Variants in ZNF521 observed in about 807,000 individuals in gnomAD.
ZNF521 encodes zinc finger protein 521.
ZNF521 carries 14 observed loss-of-function variants against 105.5 expected under a neutral mutation model. That is an observed-to-expected ratio of 0.13 (90% CI 0.09 to 0.21). The LOEUF (loss-of-function observed/expected upper bound fraction) is 0.21, where lower values mean the gene tolerates loss of function less well. ZNF521 is among the 10% of genes least tolerant of loss of function. The pLI is 1.00. For synonymous variants in ZNF521, 635 were observed against 606.0 expected (o/e 1.05, Z -0.70); for missense variants, 1,233 against 1,629.7 (o/e 0.76, Z 4.19).
chr18:25,179,348 C>T (rs1003820641), intron 5 of ZNF521, among the ~76,000 whole-genome samples: 1 of 151,564 alleles, frequency 6.6e-6, no homozygotes, highest in African/African-American at 2.4e-5. Context: ...TGGGGTTTCG[C>T]TCTTATGCCT....
intron 2 of ZNF521, among the ~76,000 whole-genome samples, chr18:25,324,606 A>T (rs1312355146): frequency 6.6e-6 from 1 of 152,146 alleles, no homozygotes; most frequent in Admixed American, 6.5e-5. Context: ...CTAGTTTCTC[A>T]AAAAAACTGA....
intron 3 of ZNF521, among the ~76,000 whole-genome samples, chr18:25,251,091 A>G (rs771814616): frequency 6.6e-6 from 1 of 152,188 alleles, no homozygotes; most frequent in Non-Finnish European, 1.5e-5. Flanking sequence ...AAAAGGACCT[A>G]CCTGTTCTCA....
chr18:25,213,639 C>G (rs1419406420), intron 4 of ZNF521, among the ~76,000 whole-genome samples: 2 of 152,056 alleles, frequency 1.3e-5, no homozygotes, highest in Non-Finnish European at 2.9e-5. Context: ...ATATCAGGAT[C>G]ATATCAGATT....
intron 5 of ZNF521, among the ~76,000 whole-genome samples, chr18:25,157,551 G>A (rs1259755910): frequency 3.9e-5 from 6 of 152,016 alleles, no homozygotes; most frequent in Non-Finnish European, 8.8e-5. Context: ...AGTGTAGACC[G>A]TGCAAAACGT....
At chr18:25,114,250 A>C (rs1056450893) in intron 5 of ZNF521, among the ~76,000 whole-genome samples, 11 of 152,144 alleles carry the variant, frequency 7.2e-5, no homozygotes, top group African/African-American at 2.4e-4. Context: ...CACAGTGCAA[A>C]CCTTTCATGC....
Position 25,225,026 on chromosome 18 carries a change from G to A in ZNF521, c.2892C>T (p.Cys964=), listed in dbSNP as rs770368967. The change falls in exon 4 of 8, where the codon TGC becomes TGT. Residue 964 remains cysteine, a synonymous_variant. Coordinates refer to ENST00000361524, the MANE Select transcript of ZNF521 (RefSeq NM_015461.3). This position sits in a 1 kb window ranked among gnomAD's most constrained non-coding sequence, Gnocchi z 5.6. ...GPVKHYMCPI[C]GERFPSLLTL... ...TTAAAAGGGAGGGAAACCGCTCTCC[G>A]CAAATAGGGCACATGTAGTGTTTGA... 49 of 1,614,152 alleles carry A rather than the reference G, an allele frequency of 3.0e-5. No homozygotes were observed. The highest frequency in any genetic ancestry group is 1.6e-4 in the Middle Eastern group (1 of 6,062).
intron 5 of ZNF521, among the ~76,000 whole-genome samples, chr18:25,152,089 G>C (rs1468480065): frequency 1.3e-5 from 2 of 152,154 alleles, no homozygotes; most frequent in Non-Finnish European, 2.9e-5. Context: ...CCTCACTGTG[G>C]AATCTTTCTA....
In ZNF521 at chr18:25,333,100, A is replaced by G. The variant is rs1027673119; in HGVS notation, c.41-10913T>C. On this transcript the variant is annotated intron_variant, in intron 2 of 7. Coordinates refer to ENST00000361524, the MANE Select transcript of ZNF521 (RefSeq NM_015461.3). Reference sequence around the variant, plus strand: ...TGTATATATACATATATACTAGAGTAGTATATATTTTATCGTATAATGCTA... The same window carrying G: ...TGTATATATACATATATACTAGAGTGGTATATATTTTATCGTATAATGCTA... 1.3e-5 allele frequency among the ~76,000 whole-genome samples: 2 copies of G among 151,726 alleles called. 1 individual carries two copies. Among genetic ancestry groups the G allele is most frequent in the Non-Finnish European group, 2.9e-5 (2 of 67,938 alleles).
intron 5 of ZNF521, among the ~76,000 whole-genome samples, chr18:25,111,237 T>C (rs1398025792): frequency 6.6e-6 from 1 of 152,144 alleles, no homozygotes; most frequent in Non-Finnish European, 1.5e-5. Context: ...ATTTTACATT[T>C]TAAGAATGAG....
intron 7 of ZNF521, among the ~76,000 whole-genome samples, chr18:25,078,234 A>G (rs996625592): frequency 1.3e-5 from 2 of 152,220 alleles, no homozygotes; most frequent in Non-Finnish European, 2.9e-5. Flanking sequence ...GAACGAAATG[A>G]GCAGCCTCTT....
chr18:25,098,916 A>G (rs369716604), intron 5 of ZNF521, among the ~76,000 whole-genome samples: 1 of 152,198 alleles, frequency 6.6e-6, no homozygotes, highest in African/African-American at 2.4e-5. Context: ...TCCATTTCAC[A>G]TAACAGACTA....
At position 25,321,565 on chromosome 18, in the gene ZNF521, T is replaced by C. The variant is rs534813395; in HGVS notation, c.220+443A>G. 7.9e-5 allele frequency among the ~76,000 whole-genome samples: 12 copies of C among 152,274 alleles called. No homozygotes were observed. In the East Asian group the frequency reaches 1.4e-3, roughly 17 times the overall value. On this transcript the variant is annotated intron_variant, in intron 3 of 7. Transcript: ENST00000361524. ...GAACTGTGGTGCTCAAGGATAAGTA[T>C]TGAACTTTATGGGAACACAAAAAAA...
chr18:25,161,046 G>A (rs2035241561), intron 5 of ZNF521, among the ~76,000 whole-genome samples: 1 of 152,022 alleles, frequency 6.6e-6, no homozygotes, highest in Admixed American at 6.6e-5. Flanking sequence ...ATACAGATGT[G>A]GCATGAGACC....
intron 3 of ZNF521, among the ~76,000 whole-genome samples, chr18:25,301,503 A>G (rs1911639214): frequency 6.6e-6 from 1 of 152,186 alleles, no homozygotes; most frequent in Non-Finnish European, 1.5e-5. Context: ...AACACTCCCT[A>G]CACAGAGTTG....
intron 4 of ZNF521, among the ~76,000 whole-genome samples, chr18:25,213,861 T>C (rs889346533): frequency 1.3e-5 from 2 of 152,160 alleles, no homozygotes; most frequent in African/African-American, 4.8e-5. Context: ...CATATTATTC[T>C]AAGATGGTTT....
chr18:25,328,642 T>TC (rs923318936), intron 2 of ZNF521, among the ~76,000 whole-genome samples: 1 of 151,306 alleles, frequency 6.6e-6, no homozygotes, highest in Non-Finnish European at 1.5e-5. Context: ...AACCTCCGCC[T>TC]CCCGGGTTCA....
intron 4 of ZNF521, among the ~76,000 whole-genome samples, chr18:25,215,801 C>A (rs80309523): frequency 6.6e-6 from 1 of 152,024 alleles, no homozygotes; most frequent in African/African-American, 2.4e-5. Flanking sequence ...GGGTAGAAAG[C>A]GTGGATGCAA....
chr18:25,062,785 A>AAAT, intron 7 of ZNF521, 44 bp from the exon 8 acceptor site: 1 of 1,376,952 alleles, frequency 7.3e-7, no homozygotes, highest in Non-Finnish European at 9.6e-7. Context: ...AAAAAAAAAA[A>AAAT]GAGAAGAGAG....
At chr18:25,112,958 C>G (rs2034222765) in intron 5 of ZNF521, among the ~76,000 whole-genome samples, 1 of 151,726 alleles carries the variant, frequency 6.6e-6, no homozygotes, top group Non-Finnish European at 1.5e-5. Flanking sequence ...GCAGCCTTGA[C>G]TGCTTAATTA....
Sources: allele counts gnomAD v4.1 joint callset (sites outside exome capture counted in the v4.1 genomes callset), GRCh38; gene constraint gnomAD v4.1.1; non-coding constraint Gnocchi (gnomAD v3.1); transcripts MANE v1.5; gene names NCBI Gene and HGNC (gene_info 2026-07-23, HGNC 2026-07-21).